Variants in RAD51B observed in about 807,000 individuals in gnomAD.
The protein encoded by RAD51B is RAD51 paralog B, also known as DNA repair protein RAD51 homolog 2.
In RAD51B, 38 loss-of-function variants were observed where a neutral mutation model predicts 42.2. The ratio of observed to expected loss-of-function variants is 0.90; its 90% CI spans 0.70 to 1.18. The LOEUF is 1.18. Among genes scored for constraint, RAD51B ranks in the 50% most tolerant of loss-of-function variants. RAD51B has a pLI of 0.00. For missense variants in RAD51B, 373 were observed against 400.7 expected, an observed-to-expected ratio of 0.93 and a Z score of 0.59; for synonymous variants, 154 against 145.2, an observed-to-expected ratio of 1.06 and a Z score of -0.43.
chr14:68,603,333 C>G (rs771206420), intron 10 of RAD51B, among the ~76,000 whole-genome samples: 54 of 152,168 alleles, frequency 3.5e-4, no homozygotes, highest in Non-Finnish European at 6.8e-4. Context: ...TTAAGGCACA[C>G]ATGCAAAGAG....
At chr14:67,898,006 C>T (rs946729283) in intron 7 of RAD51B, among the ~76,000 whole-genome samples, 1 of 152,128 alleles carries the variant, frequency 6.6e-6, no homozygotes, top group South Asian at 2.1e-4. Flanking sequence ...CTATGGAAAA[C>T]AGTTTGGAGG....
intron 4 of RAD51B, among the ~76,000 whole-genome samples, chr14:67,848,722 G>A (rs552140722): frequency 5.9e-5 from 9 of 152,224 alleles, no homozygotes; most frequent in South Asian, 2.1e-4. Context: ...AGCAGGTGTC[G>A]TTCTTACCAT....
intron 8 of RAD51B, among the ~76,000 whole-genome samples, chr14:68,296,440 G>A (rs764057768): frequency 1.6e-4 from 25 of 152,146 alleles, no homozygotes; most frequent in Admixed American, 1.3e-4. Context: ...CTTAGCCCTT[G>A]CCAATTCTTC....
downstream of RAD51B, among the ~76,000 whole-genome samples, chr14:68,614,813 G>A (rs900401726): frequency 6.6e-6 from 1 of 152,208 alleles, no homozygotes; most frequent in Non-Finnish European, 1.5e-5. Flanking sequence ...GAATAATGCT[G>A]CTATGAACAT....
chr14:68,434,820 C>G (rs149522817), intron 9 of RAD51B, among the ~76,000 whole-genome samples: 2 of 152,152 alleles, frequency 1.3e-5, no homozygotes, highest in Non-Finnish European at 2.9e-5. Context: ...AGAAATCACC[C>G]GTCTTCTGCA....
At chr14:68,288,481 T>TA (rs1327722070) in intron 7 of RAD51B, among the ~76,000 whole-genome samples, 2 of 152,352 alleles carry the variant, frequency 1.3e-5, no homozygotes, top group East Asian at 3.9e-4. Context: ...CATCTACTCT[T>TA]TCACCAGAAG....
At chr14:68,512,909 G>A (rs1885832747) in intron 10 of RAD51B, among the ~76,000 whole-genome samples, 1 of 152,168 alleles carries the variant, frequency 6.6e-6, no homozygotes, top group South Asian at 2.1e-4. Flanking sequence ...TGGATGAAGA[G>A]AGAGTAAGCA....
intron 10 of RAD51B, among the ~76,000 whole-genome samples, chr14:68,564,738 G>T (rs1463826528): frequency 1.3e-5 from 2 of 152,254 alleles, no homozygotes; most frequent in Admixed American, 6.5e-5. Context: ...AATCAGGTCG[G>T]GTTGAGCTGA....
intron 7 of RAD51B, among the ~76,000 whole-genome samples, chr14:68,239,944 C>T (rs1407589063): frequency 6.6e-6 from 1 of 152,192 alleles, no homozygotes; most frequent in Non-Finnish European, 1.5e-5. Context: ...TTTTGGGCCA[C>T]AACTGTTCCT....
chr14:68,305,220 A>C (rs1214777122), intron 8 of RAD51B, among the ~76,000 whole-genome samples: 1 of 152,184 alleles, frequency 6.6e-6, no homozygotes, highest in East Asian at 1.9e-4. Flanking sequence ...TGAGACTGAA[A>C]CCAAAATTTG....
chr14:68,054,840 G>T (rs868609840), intron 7 of RAD51B, among the ~76,000 whole-genome samples: 1 of 152,138 alleles, frequency 6.6e-6, no homozygotes, highest in Non-Finnish European at 1.5e-5. Flanking sequence ...AAGTTTGGTG[G>T]GGGGCGGTTG....
chr14:68,048,041 C>T (rs545660739), intron 7 of RAD51B, among the ~76,000 whole-genome samples: 3 of 152,270 alleles, frequency 2.0e-5, no homozygotes, highest in South Asian at 2.1e-4. Flanking sequence ...TGGGTGTTCA[C>T]TCCTTCAACG....
intron 10 of RAD51B, chr14:68,540,415 C>T (rs1001271838): frequency 3.5e-5 from 34 of 985,142 alleles, no homozygotes; most frequent in South Asian, 2.4e-4. Context: ...ATTCAGCCCT[C>T]CCTTATTCAA....
At chr14:68,561,610 C>T (rs762218650) in intron 10 of RAD51B, among the ~76,000 whole-genome samples, 23 of 152,156 alleles carry the variant, frequency 1.5e-4, no homozygotes, top group Non-Finnish European at 2.8e-4. Flanking sequence ...GCAAGTTCCC[C>T]GTGTGGCTTC....
intron 7 of RAD51B, among the ~76,000 whole-genome samples, chr14:67,961,306 G>T (rs540520107): frequency 6.6e-6 from 1 of 152,214 alleles, no homozygotes; most frequent in South Asian, 2.1e-4. Context: ...ATGCCCAGTT[G>T]GAATTTCCTT....
chr14:68,643,737 G>T (rs950217528), intron 10 of RAD51B, among the ~76,000 whole-genome samples: 3 of 152,158 alleles, frequency 2.0e-5, no homozygotes, highest in Admixed American at 1.3e-4. Context: ...GCAGCTCCTT[G>T]TGTTTTCCCC....
chr14:68,194,961 T>G (rs1435446108), intron 7 of RAD51B, among the ~76,000 whole-genome samples: 1 of 152,210 alleles, frequency 6.6e-6, no homozygotes, highest in African/African-American at 2.4e-5. Context: ...ACCACTTTTT[T>G]GTTTTTATTT....
At chr14:68,045,108 T>C (rs564464557) in intron 7 of RAD51B, among the ~76,000 whole-genome samples, 35 of 151,736 alleles carry the variant, frequency 2.3e-4, no homozygotes, top group Admixed American at 2.3e-3. Context: ...TGGTGGTGCA[T>C]GCCTGTAATC....
chr14:68,199,592 G>A (rs1366757227), intron 7 of RAD51B, among the ~76,000 whole-genome samples: 1 of 152,156 alleles, frequency 6.6e-6, no homozygotes, highest in Non-Finnish European at 1.5e-5. Context: ...ATTTGCTTTA[G>A]GTTCAGGAAA....
Sources: allele counts gnomAD v4.1 joint callset (sites outside exome capture counted in the v4.1 genomes callset), GRCh38; gene constraint gnomAD v4.1.1; transcripts MANE v1.5; gene names NCBI Gene and HGNC (gene_info 2026-07-23, HGNC 2026-07-21).